Variants in MATN3 observed in about 807,000 individuals in gnomAD.
The protein encoded by MATN3 is matrilin 3, also known as matrilin-3.
A neutral mutation model predicts 45.3 loss-of-function variants in MATN3; 48 were observed. The observed-to-expected ratio is 1.06, with a 90% confidence interval of 0.84 to 1.35. The LOEUF (loss-of-function observed/expected upper bound fraction) is 1.35. Ranked by LOEUF, MATN3 falls within the 40% of genes most tolerant of loss-of-function variation. The pLI is 0.00. For synonymous variants in MATN3, 217 were observed against 245.9 expected (o/e 0.88, Z 1.10); for missense variants, 599 against 628.0 (o/e 0.95, Z 0.49).
intron 1 of MATN3, among the ~76,000 whole-genome samples, chr2:20,007,055 A>C (rs1204566710): frequency 1.3e-5 from 2 of 152,148 alleles, no homozygotes; most frequent in African/African-American, 2.4e-5. Context: ...AAAAATACAA[A>C]AAATTAGCCG....
chr2:20,000,343 G>T, intron 5 of MATN3, 98 bp downstream of exon 5: 2 of 1,093,668 alleles, frequency 1.8e-6, no homozygotes, highest in South Asian at 1.7e-5. Context: ...TCTGAACCTT[G>T]ATCTTAAGTT....
At chr2:20,009,658 T>C (rs1442506553) in intron 1 of MATN3, among the ~76,000 whole-genome samples, 1 of 152,168 alleles carries the variant, frequency 6.6e-6, no homozygotes, top group African/African-American at 2.4e-5. Flanking sequence ...ATAATAATTT[T>C]TTAAAAAGAT....
rs1673063108 is a variant in MATN3, at chr2:20,004,738, A to G, written c.790+1006T>C. On this transcript the variant is annotated intron_variant, in intron 2 of 7. Coordinates refer to ENST00000407540, the MANE Select transcript of MATN3 (RefSeq NM_002381.5). Reference sequence around the variant, plus strand: ...CCCAGAATGTTACTTAATGGTATGGAGGGATTACCTTTATCTTTGTATCAT... The same window carrying G: ...CCCAGAATGTTACTTAATGGTATGGGGGGATTACCTTTATCTTTGTATCAT... Among the ~76,000 whole-genome samples, 2 of 152,308 alleles carry G rather than the reference A, an allele frequency of 1.3e-5. 1 individual carries two copies. The highest frequency in any genetic ancestry group is 4.1e-4 in the South Asian group (2 of 4,832).
chr2:20,003,917 TAAAAA>T (rs985070415), intron 2 of MATN3: 2 of 152,116 alleles, frequency 1.3e-5, no homozygotes, highest in African/African-American at 4.8e-5. Context: ...TACAAACAGG[TAAAAA>T]GAAAAGAACA....
intron 1 of MATN3, among the ~76,000 whole-genome samples, chr2:20,008,906 T>C (rs1384512497): frequency 6.6e-6 from 1 of 152,090 alleles, no homozygotes; most frequent in Non-Finnish European, 1.5e-5. Context: ...TGAAATATGC[T>C]GTATGTCATG....
chr2:20,012,653 G>A lies in MATN3; in HGVS notation c.-22C>T, dbSNP rs972162382. ...GCATGGTGGGCTCCGTGGGCCTGGT[G>A]GTGTCCGTCGGGGGCCAGGAGCCCA... On this transcript the variant is annotated 5_prime_UTR_variant, in exon 1 of 8. Coordinates refer to ENST00000407540, the MANE Select transcript of MATN3 (RefSeq NM_002381.5). The surrounding 1 kb of genome is among the most constrained non-coding windows in gnomAD (Gnocchi z 4.3). The A allele has an allele frequency of 3.8e-5, 43 of 1,140,660 alleles. No homozygotes were observed. Among genetic ancestry groups the A allele is most frequent in the Non-Finnish European group, 4.4e-5 (40 of 909,932 alleles). The allele number at this position is 1,140,660 out of a possible 1,614,324, so 70.7% of individuals were successfully genotyped here.
chr2:20,007,320 G>A (rs1366259058), intron 1 of MATN3, among the ~76,000 whole-genome samples: 1 of 152,100 alleles, frequency 6.6e-6, no homozygotes, highest in Non-Finnish European at 1.5e-5. Context: ...CCTGAGGTCA[G>A]GAGTTTGAGA....
intron 7 of MATN3, among the ~76,000 whole-genome samples, chr2:19,993,903 A>C (rs774506110): frequency 1.3e-5 from 2 of 152,224 alleles, no homozygotes; most frequent in African/African-American, 4.8e-5. Flanking sequence ...GGCTAGTCAA[A>C]GGGTACAACT....
At chr2:20,002,774 A>T (rs1381816) in intron 3 of MATN3, among the ~76,000 whole-genome samples, 145,739 of 147,060 alleles carry the variant, frequency 0.99, 72,209 homozygotes, top group East Asian at 1. Context: ...TTTTTTTTTT[A>T]AATTATTTTT....
intron 1 of MATN3, among the ~76,000 whole-genome samples, chr2:20,010,616 A>T (rs1673203804): frequency 6.6e-6 from 1 of 152,168 alleles, no homozygotes; most frequent in Admixed American, 6.5e-5. Context: ...GGCTCTGAAA[A>T]TGGAAGAAAA....
In MATN3 at chr2:20,000,447, A is replaced by G. The variant is rs1490471781; in HGVS notation, c.1162T>C (p.Cys388Arg). ...GYTLNADKKT[C>R]SVRDKCALGS... ...TTTTTTGAGTGGATCTTACCTGAAC[A>G]TGTTTTTTTATCTGCATTCAGAGTG... The change falls in exon 5 of 8, where the codon TGT becomes CGT. Residue 388 changes from cysteine to arginine, a missense_variant. Coordinates refer to ENST00000407540, the MANE Select transcript of MATN3 (RefSeq NM_002381.5). 6.2e-7 allele frequency: 1 copy of G among 1,605,722 alleles called. No homozygotes were observed. Among genetic ancestry groups the G allele is most frequent in the Non-Finnish European group, 8.5e-7 (1 of 1,177,212 alleles).
chr2:20,003,531 T>C lies in MATN3; in HGVS notation c.791-245A>G, dbSNP rs577445704. The stretch of plus-strand genomic sequence containing the variant: ...ACTTTCTCAAGGGAGAAAGGGAATT[T>C]GGAGTTTGGAGCTGAAGCCAAACAC... On this transcript the variant is annotated intron_variant, in intron 2 of 7. Coordinates refer to ENST00000407540, the MANE Select transcript of MATN3 (RefSeq NM_002381.5). Among the ~76,000 whole-genome samples, 57 of 152,364 alleles carry C rather than the reference T, an allele frequency of 3.7e-4. No individual in the cohort carries two copies. The South Asian group carries it at 0.011, about 30-fold the overall frequency.
intron 1 of MATN3, among the ~76,000 whole-genome samples, chr2:20,007,780 G>T (rs1673138138): frequency 3.3e-5 from 5 of 152,132 alleles, no homozygotes; most frequent in South Asian, 2.1e-4. Flanking sequence ...CACCTTCAAA[G>T]AATTTATCTC....
In MATN3 at chr2:20,005,933, C is replaced by T. The variant is rs776543565; in HGVS notation, c.601G>A (p.Asp201Asn). Residue 201 changes from aspartate to asparagine, a missense_variant, in exon 2 of 8, where the codon GAC becomes AAC. Coordinates refer to ENST00000407540, the MANE Select transcript of MATN3 (RefSeq NM_002381.5). The part of the protein sequence containing the change: ...AIIVTDGRPQ[D>N]QVNEVAARAQ... ...CGAGCCGCCACCTCATTCACCTGGT[C>T]CTGGGGCCTCCCATCTGTAACAATG... 2 of 1,613,748 alleles carry T rather than the reference C, an allele frequency of 1.2e-6. No individual in the cohort carries two copies. Among genetic ancestry groups the T allele is most frequent in the South Asian group, 2.2e-5 (2 of 91,046 alleles).
At chr2:20,002,191 C>CACACAG (rs147407955) in intron 3 of MATN3, 111 bp from the exon 4 acceptor site, 8,362 of 757,440 alleles carry the variant, frequency 0.011, 191 homozygotes, top group Non-Finnish European at 0.011. Flanking sequence ...CACACACACA[C>CACACAG]AGAGCTAATG....
Position 19,993,177 on chromosome 2 carries a change from G to A in MATN3, c.1406-11C>T. ...CCAAAATGTCATCAAGTGGCAAGTTGTTAAGGCCAACACCATTTATTTTTA... is the reference window on the plus strand; with the variant it reads ...CCAAAATGTCATCAAGTGGCAAGTTATTAAGGCCAACACCATTTATTTTTA... On this transcript the variant is annotated splice_polypyrimidine_tract_variant and intron_variant, in intron 7 of 7. Transcript: ENST00000407540. 6.3e-7 allele frequency: 1 copy of A among 1,596,984 alleles called. No individual in the cohort carries two copies. Among genetic ancestry groups the A allele is most frequent in the Non-Finnish European group, 8.6e-7 (1 of 1,164,978 alleles).
intron 5 of MATN3, among the ~76,000 whole-genome samples, chr2:19,998,136 T>A (rs1031925262): frequency 2.6e-5 from 4 of 152,238 alleles, no homozygotes; most frequent in African/African-American, 9.6e-5. Flanking sequence ...GAATAGCTTC[T>A]TGTGAAATGT....
intron 1 of MATN3, among the ~76,000 whole-genome samples, chr2:20,008,396 C>G (rs780166403): frequency 6.6e-6 from 1 of 152,130 alleles, no homozygotes; most frequent in Non-Finnish European, 1.5e-5. Flanking sequence ...GAAGTTGATG[C>G]TACTCTAGGA....
intron 7 of MATN3, 135 bp downstream of exon 7, chr2:19,994,164 G>C: frequency 1.7e-6 from 1 of 598,276 alleles, no homozygotes; most frequent in East Asian, 3.0e-5. Context: ...ATTTTTTAAA[G>C]TTGTATATTA....
Sources: allele counts gnomAD v4.1 joint callset (sites outside exome capture counted in the v4.1 genomes callset), GRCh38; gene constraint gnomAD v4.1.1; non-coding constraint Gnocchi (gnomAD v3.1); transcripts MANE v1.5; gene names NCBI Gene and HGNC (gene_info 2026-07-23, HGNC 2026-07-21).